The following CNOT3 variants were observed in gnomAD, a reference collection of about 807,000 sequenced individuals.
The protein encoded by CNOT3 is CCR4-associated factor 3.
In CNOT3, 2 loss-of-function variants were observed where a neutral mutation model predicts 89.4. That is an observed-to-expected ratio of 0.02 (90% confidence interval 0.01 to 0.07). The LOEUF is 0.07. Among genes scored for constraint, CNOT3 ranks in the 10% least tolerant of loss-of-function variants. CNOT3 has a pLI of 1.00. For synonymous variants in CNOT3, 486 were observed against 402.0 expected (o/e 1.21, Z -2.50); for missense variants, 664 against 1,010.2 (o/e 0.66, Z 4.65).
Position 54,151,182 on chromosome 19 carries a change from C to T in CNOT3, c.1606-1044C>T, listed in dbSNP as rs1445110282. Reference sequence around the variant, plus strand: ...CAGCTTTGAGATTTTCAGAAGGGGTCCATATCTTTTAACACCACCAACAAC... The same window carrying T: ...CAGCTTTGAGATTTTCAGAAGGGGTTCATATCTTTTAACACCACCAACAAC... On this transcript the variant is annotated intron_variant, in intron 13 of 17. Coordinates refer to ENST00000221232, the MANE Select transcript of CNOT3 (RefSeq NM_014516.4). Among the ~76,000 whole-genome samples the T allele has an allele frequency of 2.0e-5, 3 of 152,140 alleles. No individual in the cohort carries two copies. In the East Asian group the frequency reaches 5.8e-4, roughly 29 times the overall value.
chr19:54,149,115 A>G (rs1326405828), intron 12 of CNOT3, among the ~76,000 whole-genome samples: 2 of 151,770 alleles, frequency 1.3e-5, no homozygotes, highest in African/African-American at 4.8e-5. Context: ...CTCTGCAGCC[A>G]CTCCTTCAAA....
Position 54,148,026 on chromosome 19 carries a change from C to A in CNOT3, c.895-122C>A. 6 of 656,378 alleles carry A rather than the reference C, an allele frequency of 9.1e-6. No individual in the cohort carries two copies. Among genetic ancestry groups the A allele is most frequent in the Non-Finnish European group, 1.4e-5 (6 of 416,356 alleles). The allele number at this position is 656,378 out of a possible 1,614,324, so 40.7% of individuals were successfully genotyped here. On this transcript the variant is annotated intron_variant, in intron 10 of 17. Coordinates refer to ENST00000221232, the MANE Select transcript of CNOT3 (RefSeq NM_014516.4). This position sits in a 1 kb window ranked among gnomAD's most constrained non-coding sequence, Gnocchi z 6.3. ...ACCCAGGTCCCCAAGAGGGCAGGAG[C>A]AGGTGGGGGCAGCGAGGCCAGAGAG... is the stretch of plus-strand genomic sequence containing the variant.
In CNOT3 at chr19:54,148,529, G is replaced by C. The variant is rs770957095; in HGVS notation, c.1276G>C (p.Ala426Pro). The change falls in exon 11 of 18, where the codon GCC (alanine) becomes CCC (proline). Residue 426 changes from alanine to proline, a missense_variant. Ala to Pro is a conservative substitution (Grantham distance 27). Transcript: ENST00000221232. The surrounding 1 kb of genome is among the most constrained non-coding windows in gnomAD (Gnocchi z 6.3). The stretch of plus-strand genomic sequence containing the variant: ...TGGAGGGGCTGGCAAGCAGAATGGC[G>C]CCACCAGTGAGTGAGGAGGCAGCGG... ...AGGGAGKQNG[A>P]TSYSSVVADS... 15 of 1,554,770 alleles carry C rather than the reference G, an allele frequency of 9.6e-6. No individual in the cohort carries two copies. The highest frequency in any genetic ancestry group is 1.4e-5 in the African/African-American group (1 of 73,976).
intron 14 of CNOT3, 40 bp from the exon 15 acceptor site, chr19:54,152,388 C>T (rs754206358): frequency 5.6e-6 from 9 of 1,613,940 alleles, no homozygotes; most frequent in Non-Finnish European, 7.6e-6. Context: ...CCTGACCCAT[C>T]CTCACCACTG....
At position 54,145,696 on chromosome 19, in the gene CNOT3, C is replaced by T. The variant is rs1568638646; in HGVS notation, c.582C>T (p.Ser194=). ...ETILRMLDND[S]ILVDAIRKIK... is the part of the protein sequence containing the mutation. ...TCCTGCGCATGCTGGACAATGACTCCATCCTCGTTGACGCCATCCGCAAGA... is the reference window on the plus strand; with the variant it reads ...TCCTGCGCATGCTGGACAATGACTCTATCCTCGTTGACGCCATCCGCAAGA... Residue 194 remains serine (S), a synonymous_variant, in exon 8 of 18, where the codon TCC becomes TCT. Coordinates refer to ENST00000221232, the MANE Select transcript of CNOT3 (RefSeq NM_014516.4). This position sits in a 1 kb window ranked among gnomAD's most constrained non-coding sequence, Gnocchi z 5.9. 1.2e-6 allele frequency: 2 copies of T among 1,613,210 alleles called. No homozygotes were observed. Among genetic ancestry groups the T allele is most frequent in the Middle Eastern group, 1.7e-4 (1 of 6,060 alleles).
chr19:54,150,981 G>A (rs1254803269), intron 13 of CNOT3, among the ~76,000 whole-genome samples: 2 of 152,004 alleles, frequency 1.3e-5, no homozygotes, highest in East Asian at 1.9e-4. Flanking sequence ...AATAGAGATG[G>A]GGTTTTGCCA....
chr19:54,145,718 A>C lies in CNOT3; in HGVS notation c.604A>C (p.Lys202Gln), dbSNP rs2074637190. ...CTCCATCCTCGTTGACGCCATCCGC[A>C]AGATCAAGGACGACGTTGAGTACTA... ...NDSILVDAIR[K>Q]IKDDVEYYVD... The change falls in exon 8 of 18, where the codon AAG (lysine) becomes CAG (glutamine). Residue 202 changes from lysine (K) to glutamine (Q), a missense_variant. Around this residue, in one of 8 missense-constraint regions of CNOT3, gnomAD observed 25 missense variants for 69.0 expected, o/e 0.36. Transcript: ENST00000221232. The surrounding 1 kb of genome is among the most constrained non-coding windows in gnomAD (Gnocchi z 5.9). 1 of 1,613,326 alleles carries C rather than the reference A, an allele frequency of 6.2e-7. No individual in the cohort carries two copies. Among genetic ancestry groups the C allele is most frequent in the Non-Finnish European group, 8.5e-7 (1 of 1,179,240 alleles).
At chr19:54,147,582 G>C (rs767120594) in intron 10 of CNOT3, among the ~76,000 whole-genome samples, 5 of 152,316 alleles carry the variant, frequency 3.3e-5, no homozygotes, top group Middle Eastern at 3.4e-3. Flanking sequence ...CCAGGAGGTG[G>C]TTAGGCTCAG....
At chr19:54,152,380 T>A (rs761087765) in intron 14 of CNOT3, 48 bp from the exon 15 acceptor site, 20 of 1,613,632 alleles carry the variant, frequency 1.2e-5, no homozygotes, top group African/African-American at 4.0e-5. Context: ...GGGCTGCCCC[T>A]GACCCATCCT....
At chr19:54,141,291 G>C (rs1221387728) in intron 1 of CNOT3, 16 of 152,222 alleles carry the variant, frequency 1.1e-4, no homozygotes, top group Admixed American at 9.8e-4. Flanking sequence ...GGCTGCTGCG[G>C]CTTTCTTTAG....
At position 54,148,803 on chromosome 19, in the gene CNOT3, G is replaced by A; in HGVS notation, c.1406+60G>A. 2 of 1,556,966 alleles carry A rather than the reference G, an allele frequency of 1.3e-6. No homozygotes were observed. The highest frequency in any genetic ancestry group is 2.4e-5 in the South Asian group (2 of 84,886). On this transcript the variant is annotated intron_variant, in intron 12 of 17. Transcript: ENST00000221232. The surrounding 1 kb of genome is among the most constrained non-coding windows in gnomAD (Gnocchi z 6.3). Reference sequence around the variant, plus strand: ...CAGCCTTTTGAAACAGAGAGGCGCAGGCGCCTCACCCCCGCATCGGTGGGT... The same window carrying A: ...CAGCCTTTTGAAACAGAGAGGCGCAAGCGCCTCACCCCCGCATCGGTGGGT...
At chr19:54,139,255 C>A (rs1241182375) in intron 1 of CNOT3, among the ~76,000 whole-genome samples, 3 of 152,172 alleles carry the variant, frequency 2.0e-5, no homozygotes, top group Non-Finnish European at 4.4e-5. Context: ...CTTCCATCTT[C>A]ACACCAGTCT....
At chr19:54,139,762 G>C (rs1479030026) in intron 1 of CNOT3, among the ~76,000 whole-genome samples, 2 of 151,990 alleles carry the variant, frequency 1.3e-5, no homozygotes, top group African/African-American at 2.4e-5. Context: ...AGTCTCAAGC[G>C]GGAGACTCCA....
intron 1 of CNOT3, chr19:54,141,442 C>T (rs2074444844): frequency 6.6e-6 from 1 of 152,188 alleles, no homozygotes; most frequent in Admixed American, 6.5e-5. Flanking sequence ...TTGTGGGCTT[C>T]TTGTTCTAAA....
intron 9 of CNOT3, among the ~76,000 whole-genome samples, chr19:54,146,245 C>T (rs188679634): frequency 1.1e-4 from 17 of 152,300 alleles, no homozygotes; most frequent in Non-Finnish European, 2.2e-4. Context: ...GGGTGCATCC[C>T]GCGCCAGTTT....
In CNOT3 at chr19:54,144,890, A is replaced by G. The variant is rs981215913; in HGVS notation, c.483+558A>G. Among the ~76,000 whole-genome samples the G allele has an allele frequency of 6.6e-6, 1 of 152,088 alleles. No homozygotes were observed. The highest frequency in any genetic ancestry group is 1.5e-5 in the Non-Finnish European group (1 of 68,016). ...CTGAAACCAGAAAGACAGGGAGGGG[A>G]GAGCCGGGTCCTCAGGGAAGCTGTG... On this transcript the variant is annotated intron_variant, in intron 7 of 17. Transcript: ENST00000221232. This position sits in a 1 kb window ranked among gnomAD's most constrained non-coding sequence, Gnocchi z 4.8.
chr19:54,146,110 G>A, intron 9 of CNOT3, 67 bp downstream of exon 9: 5 of 1,579,286 alleles, frequency 3.2e-6, no homozygotes, highest in Non-Finnish European at 4.3e-6. Flanking sequence ...GACAAATCTG[G>A]GTCACTCCAA....
At chr19:54,140,003 A>G (rs1259947935) in intron 1 of CNOT3, among the ~76,000 whole-genome samples, 1 of 152,100 alleles carries the variant, frequency 6.6e-6, no homozygotes, top group Non-Finnish European at 1.5e-5. Context: ...CTTGCTGCAG[A>G]GGCGGAAGCT....
chr19:54,146,552 C>T (rs1483251404), intron 9 of CNOT3, 49 bp from the exon 10 acceptor site: 1 of 918,654 alleles, frequency 1.1e-6, no homozygotes, highest in South Asian at 1.3e-5. Flanking sequence ...GGTTCTCCAT[C>T]AGAGCCCCAG....
Sources: allele counts gnomAD v4.1 joint callset (sites outside exome capture counted in the v4.1 genomes callset), GRCh38; gene constraint gnomAD v4.1.1; regional missense constraint gnomAD v4.1.1; non-coding constraint Gnocchi (gnomAD v3.1); transcripts MANE v1.5; gene names NCBI Gene and HGNC (gene_info 2026-07-23, HGNC 2026-07-21).